The following CTNNAL1 variants were observed in gnomAD, a reference collection of about 807,000 sequenced individuals.
The protein encoded by CTNNAL1 is alpha-catulin.
Under a neutral mutation model 93.6 loss-of-function variants are expected in CTNNAL1, and 69 were observed. The ratio of observed to expected loss-of-function variants is 0.74; its 90% CI spans 0.61 to 0.90. CTNNAL1 has a LOEUF of 0.90. Ranked by LOEUF, CTNNAL1 falls within the 40% of genes least tolerant of loss-of-function variation. The probability of loss-of-function intolerance (pLI) is 0.00; values close to 1 mark genes in which losing one functional copy is unlikely to be tolerated. For synonymous variants in CTNNAL1, 286 were observed against 305.4 expected (o/e 0.94, Z 0.66); for missense variants, 836 against 862.0 (o/e 0.97, Z 0.38).
In CTNNAL1 at chr9:109,013,360, G is replaced by A; in HGVS notation, c.83C>T (p.Ser28Leu). Residue 28 changes from serine to leucine, a missense_variant, in exon 1 of 19, where the codon TCG becomes TTG. By Grantham distance (145) the Ser-to-Leu change is moderately radical. Coordinates refer to ENST00000325551, the MANE Select transcript of CTNNAL1 (RefSeq NM_003798.4). The stretch of plus-strand genomic sequence containing the variant: ...CGAGCGAGTTTTGATCTCCAGTCCC[G>A]AGTCGAGGGCGAAGCCCGAAGAGCC... ...GSGSSGFALD[S>L]GLEIKTRSVE... is the part of the protein sequence containing the mutation. 6.6e-7 allele frequency: 1 copy of A among 1,515,028 alleles called. No individual in the cohort carries two copies. The highest frequency in any genetic ancestry group is 8.8e-7 in the Non-Finnish European group (1 of 1,131,328). The allele number at this position is 1,515,028 out of a possible 1,614,324, so 93.8% of individuals were successfully genotyped here.
rs1351024625 is a variant in CTNNAL1, at chr9:108,991,870, C to A, written c.519+762G>T. The A allele has an allele frequency of 1.1e-5, 6 of 570,022 alleles. No individual in the cohort carries two copies. The Admixed American group carries it at 1.7e-4, about 16-fold the overall frequency. 35.3% of individuals were successfully genotyped at this position (570,022 alleles called of 1,614,324 possible). On this transcript the variant is annotated intron_variant, in intron 3 of 18. Coordinates refer to ENST00000325551, the MANE Select transcript of CTNNAL1 (RefSeq NM_003798.4). ...CCAAAGCAAGAAGTGATCGTACATA[C>A]CCTGGATTCCCAGATGATCATGGAG...
rs1176775135 is a variant in CTNNAL1 at position 109,013,432 on chromosome 9, G to C, written c.11C>G (p.Ser4Cys). 1 of 1,478,386 alleles carries C rather than the reference G, an allele frequency of 6.8e-7. No individual in the cohort carries two copies. The highest frequency in any genetic ancestry group is 9.0e-7 in the Non-Finnish European group (1 of 1,112,872). 91.6% of individuals were successfully genotyped at this position (1,478,386 alleles called of 1,614,324 possible). Residue 4 changes from serine (S) to cysteine (C), a missense_variant, in exon 1 of 19, where the codon TCT (serine) becomes TGT (cysteine). Coordinates refer to ENST00000325551, the MANE Select transcript of CTNNAL1 (RefSeq NM_003798.4). ...GCCGCCAACGCCGGCGGGTCCGGGAGAGGCGGCCATGGCCCTCGGTCTATC... is the reference window on the plus strand; with the variant it reads ...GCCGCCAACGCCGGCGGGTCCGGGACAGGCGGCCATGGCCCTCGGTCTATC... The part of the protein sequence containing the change: MAA[S>C]PGPAGVGGAG...
chr9:108,959,091 G>A (rs1169325556), intron 11 of CTNNAL1, among the ~76,000 whole-genome samples: 2 of 151,826 alleles, frequency 1.3e-5, no homozygotes, highest in Non-Finnish European at 2.9e-5. Context: ...TGGGCATGGT[G>A]GCTCATGCCT....
chr9:108,967,315 A>T (rs908695578), intron 10 of CTNNAL1, among the ~76,000 whole-genome samples: 1 of 152,230 alleles, frequency 6.6e-6, no homozygotes, highest in Non-Finnish European at 1.5e-5. Flanking sequence ...TTAATAGGAT[A>T]ATGTGATAGA....
chr9:108,993,038 G>T (rs1004623002), intron 2 of CTNNAL1, among the ~76,000 whole-genome samples: 4 of 152,124 alleles, frequency 2.6e-5, no homozygotes, highest in African/African-American at 9.7e-5. Context: ...GACAAATTTT[G>T]CCCTCACCCA....
chr9:108,981,144 A>T (rs1304532680), intron 6 of CTNNAL1, among the ~76,000 whole-genome samples: 1 of 152,274 alleles, frequency 6.6e-6, no homozygotes, highest in Non-Finnish European at 1.5e-5. Flanking sequence ...CTTCACCTGC[A>T]CTAGAAATGC....
chr9:108,972,864 G>GGGGGGGGAAA, intron 8 of CTNNAL1, 31 bp from the exon 9 acceptor site: 1 of 142,590 alleles, frequency 7.0e-6, no homozygotes, highest in Non-Finnish European at 1.0e-5. Flanking sequence ...GGGGGGGTGG[G>GGGGGGGGAAA]AGGGTGGAGA....
At chr9:108,958,025 T>C (rs1830725922) in intron 11 of CTNNAL1, among the ~76,000 whole-genome samples, 1 of 149,456 alleles carries the variant, frequency 6.7e-6, no homozygotes, top group Non-Finnish European at 1.5e-5. Context: ...TTTTTTGTTT[T>C]GTTTTGTTTC....
chr9:108,990,934 T>A (rs1285280937), intron 3 of CTNNAL1, 89 bp from the exon 4 acceptor site: 1 of 1,451,968 alleles, frequency 6.9e-7, no homozygotes, highest in Non-Finnish European at 9.2e-7. Flanking sequence ...AAAAGGAAAA[T>A]TCTGAATTCT....
At position 108,999,125 on chromosome 9, in the gene CTNNAL1, A is replaced by G. The variant is rs1256548608; in HGVS notation, c.273T>C (p.Asn91=). Residue 91 remains asparagine (N), a synonymous_variant, in exon 2 of 19, where the codon AAT becomes AAC. Transcript: ENST00000325551. ...RFVKVGEAIA[N]ENWDLKEEIN... Reference sequence around the variant, plus strand: ...TTTCTTCTTTCAAATCCCAGTTTTCATTGGCTATAGCTTCTCCTACTTTAA... The same window carrying G: ...TTTCTTCTTTCAAATCCCAGTTTTCGTTGGCTATAGCTTCTCCTACTTTAA... 6.2e-7 allele frequency: 1 copy of G among 1,612,608 alleles called. No individual in the cohort carries two copies. The highest frequency in any genetic ancestry group is 1.7e-5 in the Admixed American group (1 of 59,756).
chr9:108,950,397 C>T, intron 14 of CTNNAL1: 21 of 1,180,918 alleles, frequency 1.8e-5, no homozygotes, highest in Non-Finnish European at 2.3e-5. Flanking sequence ...TGGAAGGAAA[C>T]CACCAAAGGA....
intron 6 of CTNNAL1, 124 bp from the exon 7 acceptor site, chr9:108,979,605 A>T (rs1016469170): frequency 3.6e-6 from 3 of 835,208 alleles, no homozygotes; most frequent in African/African-American, 3.4e-5. Flanking sequence ...GCTGAGGGGA[A>T]ATACAGCCAC....
chr9:108,957,747 A>G (rs1418668696), intron 11 of CTNNAL1, among the ~76,000 whole-genome samples: 5 of 152,180 alleles, frequency 3.3e-5, no homozygotes, highest in Non-Finnish European at 7.3e-5. Flanking sequence ...TTCACCATCT[A>G]TCTTAATTCA....
At chr9:108,992,927 G>GTCTTA in intron 2 of CTNNAL1, 108 bp from the exon 3 acceptor site, 1 of 1,216,824 alleles carries the variant, frequency 8.2e-7, no homozygotes, top group Non-Finnish European at 1.1e-6. Context: ...CAGCTTTGGA[G>GTCTTA]TCTTACTTCA....
chr9:108,982,780 T>C (rs1393480179), intron 6 of CTNNAL1, among the ~76,000 whole-genome samples: 1 of 152,184 alleles, frequency 6.6e-6, no homozygotes, highest in African/African-American at 2.4e-5. Context: ...GATGCTCCTT[T>C]AAAATGGAAA....
At chr9:108,977,078 GT>G in intron 7 of CTNNAL1, 30 bp from the exon 8 acceptor site, 1 of 1,016,960 alleles carries the variant, frequency 9.8e-7, no homozygotes, top group Non-Finnish European at 1.4e-6. Context: ...TACATGTAAT[GT>G]TACCGCATCT....
At chr9:108,988,591 T>C (rs1831686485) in intron 4 of CTNNAL1, among the ~76,000 whole-genome samples, 1 of 152,230 alleles carries the variant, frequency 6.6e-6, no homozygotes, top group South Asian at 2.1e-4. Flanking sequence ...CCATTTTACT[T>C]AAAGCCAAAG....
intron 6 of CTNNAL1, among the ~76,000 whole-genome samples, chr9:108,982,938 C>G (rs901928435): frequency 6.6e-6 from 1 of 152,006 alleles, no homozygotes; most frequent in African/African-American, 2.4e-5. Context: ...ATTAGCCAGG[C>G]ATGGTAGCAC....
intron 11 of CTNNAL1, among the ~76,000 whole-genome samples, chr9:108,958,505 C>T (rs1830741713): frequency 6.6e-6 from 1 of 152,162 alleles, no homozygotes; most frequent in African/African-American, 2.4e-5. Context: ...TTAGACTCTG[C>T]ATGATTTATA....
Sources: allele counts gnomAD v4.1 joint callset (sites outside exome capture counted in the v4.1 genomes callset), GRCh38; gene constraint gnomAD v4.1.1; transcripts MANE v1.5; gene names NCBI Gene and HGNC (gene_info 2026-07-23, HGNC 2026-07-21).